The following ZPBP variants were observed in gnomAD, a reference collection of about 807,000 sequenced individuals.
The protein encoded by ZPBP is zona pellucida binding protein.
ZPBP carries 26 observed loss-of-function variants against 44.8 expected under a neutral mutation model. The ratio of observed to expected loss-of-function variants is 0.58; its 90% confidence interval spans 0.43 to 0.81. The LOEUF (loss-of-function observed/expected upper bound fraction) is 0.81. Among genes scored for constraint, ZPBP ranks in the 30% least tolerant of loss-of-function variants. ZPBP has a pLI of 0.00. For missense variants in ZPBP, 409 were observed against 434.0 expected, an observed-to-expected ratio of 0.94 and a Z score of 0.51; for synonymous variants, 174 against 153.2, an observed-to-expected ratio of 1.14 and a Z score of -1.00.
chr7:49,937,738 T>G (rs1794674059), intron 7 of ZPBP, 116 bp from the exon 8 acceptor site: 2 of 810,868 alleles, frequency 2.5e-6, no homozygotes, highest in South Asian at 3.2e-5. Flanking sequence ...TTCACACTGT[T>G]GTGCAACAAA....
At chr7:49,934,032 C>T (rs1794545532), downstream of ZPBP, among the ~76,000 whole-genome samples, 1 of 140,194 alleles carries the variant, frequency 7.1e-6, no homozygotes, top group Non-Finnish European at 1.5e-5. Context: ...TGCACATGTA[C>T]CCTAAAACTT....
intron 2 of ZPBP, among the ~76,000 whole-genome samples, chr7:50,084,229 G>A (rs1802511693): frequency 6.6e-6 from 1 of 151,810 alleles, no homozygotes; most frequent in Non-Finnish European, 1.5e-5. Context: ...ACTGAAGGAA[G>A]TGTGAACTGG....
chr7:49,950,368 C>T (rs1795286968), intron 7 of ZPBP, among the ~76,000 whole-genome samples: 1 of 151,768 alleles, frequency 6.6e-6, no homozygotes, highest in South Asian at 2.1e-4. Context: ...AAGTTTAAGA[C>T]AAATTAATAT....
chr7:50,074,477 A>T (rs1911751), intron 3 of ZPBP, among the ~76,000 whole-genome samples: 127,106 of 151,790 alleles, frequency 0.84, 53,263 homozygotes, highest in East Asian at 0.92. Context: ...AAAAATAGAC[A>T]GAGTAGATGA....
chr7:49,926,621 A>T (rs576308352), intron 1 of ZPBP, among the ~76,000 whole-genome samples: 4 of 152,266 alleles, frequency 2.6e-5, no homozygotes, highest in East Asian at 1.9e-4. Context: ...GCAGAGACCC[A>T]TCCCACTGCC....
intron 2 of ZPBP, among the ~76,000 whole-genome samples, chr7:49,873,906 T>TAA (rs11326386): frequency 2.7e-5 from 4 of 146,510 alleles, no homozygotes; most frequent in African/African-American, 1.0e-4. Flanking sequence ...TATAATTAAG[T>TAA]AAAAAAAAAA....
chr7:49,954,525 A>T (rs1583907543), intron 7 of ZPBP, among the ~76,000 whole-genome samples: 3 of 152,306 alleles, frequency 2.0e-5, no homozygotes, highest in East Asian at 3.9e-4. Flanking sequence ...AAATGTTTAC[A>T]GGGTCTAAAT....
At chr7:50,057,378 A>AGCAGACTAAGC (rs1801003253) in intron 4 of ZPBP, among the ~76,000 whole-genome samples, 3 of 152,196 alleles carry the variant, frequency 2.0e-5, no homozygotes, top group African/African-American at 7.2e-5. Context: ...GCCTCTGATA[A>AGCAGACTAAGC]ATTCTCCCAC....
intron 6 of ZPBP, among the ~76,000 whole-genome samples, chr7:49,998,332 G>C (rs910575396): frequency 1.4e-4 from 22 of 152,318 alleles, no homozygotes; most frequent in African/African-American, 4.6e-4. Flanking sequence ...GCAGCTATAG[G>C]AGATAAGACT....
At chr7:50,078,709 A>G (rs1413315793) in intron 3 of ZPBP, among the ~76,000 whole-genome samples, 1 of 151,714 alleles carries the variant, frequency 6.6e-6, no homozygotes, top group Non-Finnish European at 1.5e-5. Flanking sequence ...AAAAACAGAC[A>G]AGTGGAAACT....
chr7:49,865,166 C>T (rs1297164643), intron 2 of ZPBP, among the ~76,000 whole-genome samples: 1 of 152,066 alleles, frequency 6.6e-6, no homozygotes, highest in Non-Finnish European at 1.5e-5. Flanking sequence ...TATGCCAGTT[C>T]AGGAAGAGGA....
intron 2 of ZPBP, among the ~76,000 whole-genome samples, chr7:49,870,191 G>A (rs892127122): frequency 2.6e-5 from 4 of 152,176 alleles, no homozygotes; most frequent in African/African-American, 9.7e-5. Context: ...ACGAGGTCAG[G>A]AGATCAAGAC....
chr7:49,962,163 C>T (rs1795887259), intron 7 of ZPBP, among the ~76,000 whole-genome samples: 1 of 151,526 alleles, frequency 6.6e-6, no homozygotes, highest in Admixed American at 6.6e-5. Flanking sequence ...ACAGCAGTGC[C>T]CTAATACTAA....
chr7:49,883,964 T>C (rs1454031912), intron 2 of ZPBP, among the ~76,000 whole-genome samples: 1 of 152,214 alleles, frequency 6.6e-6, no homozygotes, highest in African/African-American at 2.4e-5. Flanking sequence ...TTAGGTGTGA[T>C]GGTGGAGAAA....
chr7:50,030,999 T>C, intron 5 of ZPBP, 93 bp downstream of exon 5: 4 of 1,067,354 alleles, frequency 3.7e-6, no homozygotes, highest in Non-Finnish European at 5.7e-6. Flanking sequence ...TGTTTATGTT[T>C]ATATCATAAA....
chr7:50,011,685 GATA>G (rs1443025558), intron 6 of ZPBP, among the ~76,000 whole-genome samples: 1 of 152,106 alleles, frequency 6.6e-6, no homozygotes, highest in Non-Finnish European at 1.5e-5. Flanking sequence ...ACTAGAAATT[GATA>G]ATAAGATATT....
chr7:49,924,109 C>T (rs918338581), intron 1 of ZPBP, among the ~76,000 whole-genome samples: 15 of 151,222 alleles, frequency 9.9e-5, no homozygotes, highest in Admixed American at 7.3e-4. Context: ...GGTGACAGAG[C>T]GAGACTCTGT....
intron 1 of ZPBP, chr7:49,917,218 T>C (rs942694870): frequency 6.6e-6 from 1 of 152,178 alleles, no homozygotes; most frequent in African/African-American, 2.4e-5. Context: ...ATGATAACCA[T>C]TTAAAAGTGA....
At chr7:49,998,848 G>T (rs548189842) in intron 6 of ZPBP, among the ~76,000 whole-genome samples, 1 of 152,108 alleles carries the variant, frequency 6.6e-6, no homozygotes, top group African/African-American at 2.4e-5. Context: ...ATTAGTTGGG[G>T]TTCTTCAGAG....
Sources: allele counts gnomAD v4.1 joint callset (sites outside exome capture counted in the v4.1 genomes callset), GRCh38; gene constraint gnomAD v4.1.1; transcripts MANE v1.5; gene names NCBI Gene and HGNC (gene_info 2026-07-23, HGNC 2026-07-21).